The following KSR2 variants were observed in gnomAD, a reference collection of about 807,000 sequenced individuals.
KSR2 encodes kinase suppressor of ras 2.
Under a neutral mutation model 107.8 loss-of-function variants are expected in KSR2, and 25 were observed. The ratio of observed to expected loss-of-function variants is 0.23; its 90% CI spans 0.17 to 0.32. The LOEUF (loss-of-function observed/expected upper bound fraction) is 0.32, where lower values mean the gene tolerates loss of function less well. Among genes scored for constraint, KSR2 ranks in the 10% least tolerant of loss-of-function variants. The pLI, the probability that KSR2 is intolerant of heterozygous loss-of-function variation, is 1.00. For synonymous variants in KSR2, 480 were observed against 507.0 expected, an observed-to-expected ratio of 0.95 and a Z score of 0.71; for missense variants, 887 against 1,268.9, an observed-to-expected ratio of 0.70 and a Z score of 4.57.
intron 4 of KSR2, among the ~76,000 whole-genome samples, chr12:117,731,918 G>A (rs1887736219): frequency 1.4e-5 from 2 of 139,790 alleles, no homozygotes; most frequent in African/African-American, 4.9e-5. Flanking sequence ...AGGGTCCTGT[G>A]CCTAGGAAAA....
intron 5 of KSR2, among the ~76,000 whole-genome samples, chr12:117,608,402 G>GTT (rs2136310359): frequency 6.6e-6 from 1 of 152,220 alleles, no homozygotes; most frequent in East Asian, 1.9e-4. Flanking sequence ...CCAGACTTTG[G>GTT]GTTAATAAGG....
At chr12:117,523,404 C>G (rs1374255205) in intron 14 of KSR2, among the ~76,000 whole-genome samples, 1 of 152,118 alleles carries the variant, frequency 6.6e-6, no homozygotes, top group Non-Finnish European at 1.5e-5. Flanking sequence ...ATTGCAGAGG[C>G]CAGTCCTTAT....
intron 4 of KSR2, among the ~76,000 whole-genome samples, chr12:117,687,619 T>C (rs1885629421): frequency 6.6e-6 from 1 of 152,180 alleles, no homozygotes; most frequent in Non-Finnish European, 1.5e-5. Context: ...ACTGCTGTCT[T>C]GCAGAGGACA....
At chr12:117,753,653 G>C (rs35929838) in intron 4 of KSR2, among the ~76,000 whole-genome samples, 23,578 of 151,870 alleles carry the variant, frequency 0.16, 2,135 homozygotes, top group East Asian at 0.39. Flanking sequence ...CACACACTGG[G>C]GCCTTCCGGA....
At position 117,453,024 on chromosome 12, in the gene KSR2, C is replaced by T. The variant is rs1347603425; in HGVS notation, c.*14175G>A. 6.6e-6 allele frequency: 1 copy of T among 152,584 alleles called. No individual in the cohort carries two copies. The highest frequency in any genetic ancestry group is 2.4e-5 in the African/African-American group (1 of 41,428). 9.5% of individuals were successfully genotyped at this position (152,584 alleles called of 1,614,324 possible). A position where few individuals can be genotyped will look rare whatever the true frequency, so the allele number is the denominator to read the frequency against. On this transcript the variant is annotated 3_prime_UTR_variant, in exon 20 of 20. Transcript: ENST00000339824. ...CTGTACAACAGACAACAATAGAATT[C>T]AGACCTGTCTTGGCAGTAGTGCAAT...
Position 117,698,852 on chromosome 12 carries a change from C to T in KSR2, c.987-31194G>A, listed in dbSNP as rs573708297. On this transcript the variant is annotated intron_variant, in intron 4 of 19. Coordinates refer to ENST00000339824, the MANE Select transcript of KSR2 (RefSeq NM_173598.6). ...TATTCATCTTCTGATTGTCTCCTGA[C>T]TGGGCCCATCAGAGTCTTACTGGCT... 2.1e-3 allele frequency among the ~76,000 whole-genome samples: 317 copies of T among 152,330 alleles called. 1 individual carries two copies. The highest frequency in any genetic ancestry group is 3.4e-3 in the Non-Finnish European group (234 of 68,038).
At chr12:117,469,921 T>TCATC (rs1348216528) in intron 18 of KSR2, 126 bp from the exon 19 acceptor site, 27 of 867,564 alleles carry the variant, frequency 3.1e-5, no homozygotes, top group South Asian at 1.3e-4. Flanking sequence ...CATCATCCAT[T>TCATC]CATCCATCCA....
intron 3 of KSR2, among the ~76,000 whole-genome samples, chr12:117,854,653 G>T (rs1203370571): frequency 1.3e-5 from 2 of 152,172 alleles, no homozygotes; most frequent in African/African-American, 4.8e-5. Flanking sequence ...CTCCGTGGCT[G>T]GCATGTGCAG....
At chr12:117,570,106 C>T (rs959054697) in intron 7 of KSR2, among the ~76,000 whole-genome samples, 1 of 151,972 alleles carries the variant, frequency 6.6e-6, no homozygotes, top group Admixed American at 6.6e-5. Flanking sequence ...AGGTTCACGC[C>T]ATTCTCCTGC....
In KSR2 at chr12:117,855,460, G is replaced by A. The variant is rs1893069823; in HGVS notation, c.440C>T (p.Ser147Phe). The A allele has an allele frequency of 1.9e-6, 3 of 1,614,058 alleles. No homozygotes were observed. Among genetic ancestry groups the A allele is most frequent in the Non-Finnish European group, 2.5e-6 (3 of 1,179,898 alleles). ...GTGGACATTCCTGAGGCAGGAGAGG[G>A]AGGCGTTGAGGCGGGCACACTCCTC... ...NREECARLNA[S>F]LSCLRNVHMS... Residue 147 changes from serine to phenylalanine, a missense_variant, in exon 3 of 20, where the codon TCC becomes TTC. Physicochemically the swap from Ser to Phe is radical, Grantham distance 155. This residue lies in a region of KSR2 where 399 missense variants were observed against 479.5 expected (regional missense o/e 0.83). Coordinates refer to ENST00000339824, the MANE Select transcript of KSR2 (RefSeq NM_173598.6).
At chr12:117,678,840 C>T (rs1001750022) in intron 4 of KSR2, among the ~76,000 whole-genome samples, 7 of 152,108 alleles carry the variant, frequency 4.6e-5, no homozygotes, top group Non-Finnish European at 8.8e-5. Context: ...GCTGTGTGGT[C>T]TTGGACAAGT....
chr12:117,759,015 A>T (rs1888901781), intron 4 of KSR2, among the ~76,000 whole-genome samples: 1 of 152,164 alleles, frequency 6.6e-6, no homozygotes, highest in Non-Finnish European at 1.5e-5. Flanking sequence ...TCACAAAACC[A>T]TGCAAATCAA....
chr12:117,942,974 G>T (rs1896056597), intron 1 of KSR2, among the ~76,000 whole-genome samples: 2 of 152,116 alleles, frequency 1.3e-5, no homozygotes, highest in Admixed American at 6.6e-5. Context: ...CATTAGAAAT[G>T]CTATAAAATA....
chr12:117,756,947 C>G (rs1888814009), intron 4 of KSR2, among the ~76,000 whole-genome samples: 1 of 151,588 alleles, frequency 6.6e-6, no homozygotes, highest in Non-Finnish European at 1.5e-5. Context: ...CCCAGCTACT[C>G]AGGAGGCTGA....
chr12:117,647,255 A>G (rs1453622180), intron 5 of KSR2, among the ~76,000 whole-genome samples: 2 of 152,224 alleles, frequency 1.3e-5, no homozygotes, highest in Non-Finnish European at 2.9e-5. Context: ...CTGCCTGGTC[A>G]TGCCCTGACT....
At chr12:117,900,449 T>C (rs1894647547) in intron 1 of KSR2, among the ~76,000 whole-genome samples, 1 of 152,136 alleles carries the variant, frequency 6.6e-6, no homozygotes, top group African/African-American at 2.4e-5. Flanking sequence ...ATTAGATAGA[T>C]GCCTCAAGGG....
chr12:117,683,922 A>T (rs1028764898), intron 4 of KSR2, among the ~76,000 whole-genome samples: 2 of 152,264 alleles, frequency 1.3e-5, no homozygotes, highest in African/African-American at 4.8e-5. Context: ...ACAATGTGTA[A>T]GTGAACACGT....
chr12:117,571,574 C>G lies in KSR2; in HGVS notation c.1325+7545G>C, dbSNP rs541946157. On this transcript the variant is annotated intron_variant, in intron 7 of 19. Transcript: ENST00000339824. ...TGTAGCAGTGGCTGGTCAAAGAGATCACTGGAAATCTGATCAGAACACAAG... is the reference window on the plus strand; with the variant it reads ...TGTAGCAGTGGCTGGTCAAAGAGATGACTGGAAATCTGATCAGAACACAAG... 2.6e-4 allele frequency among the ~76,000 whole-genome samples: 39 copies of G among 152,244 alleles called. No individual in the cohort carries two copies. In the South Asian group the frequency reaches 8.1e-3, roughly 32 times the overall value.
chr12:117,579,467 G>A (rs1437178005), intron 6 of KSR2, among the ~76,000 whole-genome samples: 2 of 152,050 alleles, frequency 1.3e-5, no homozygotes, highest in Non-Finnish European at 2.9e-5. Context: ...TACAGTGGCT[G>A]GTACATAGTA....
Sources: gnomAD v4.1 joint callset for allele counts (sites outside exome capture counted in the v4.1 genomes callset) on GRCh38, gnomAD v4.1.1 for gene constraint, gnomAD v4.1.1 regional missense constraint, MANE v1.5 for transcripts, NCBI Gene and HGNC (gene_info 2026-07-23, HGNC 2026-07-21) for gene names.